Variants in SRD5A2 observed in about 807,000 individuals in gnomAD.
SRD5A2 encodes 3-oxo-5-alpha-steroid 4-dehydrogenase 2.
In SRD5A2, 30 loss-of-function variants were observed where a neutral mutation model predicts 27.4. That is an observed-to-expected ratio of 1.10 (90% CI 0.82 to 1.49). The LOEUF (loss-of-function observed/expected upper bound fraction) is 1.49. Among genes scored for constraint, SRD5A2 ranks in the 40% most tolerant of loss-of-function variants. SRD5A2 has a pLI of 0.00. For synonymous variants in SRD5A2, 141 were observed against 133.6 expected (o/e 1.06, Z -0.38); for missense variants, 348 against 323.4 (o/e 1.08, Z -0.58).
chr2:31,561,957 G>A (rs1666633087), intron 1 of SRD5A2, among the ~76,000 whole-genome samples: 1 of 152,092 alleles, frequency 6.6e-6, no homozygotes, highest in Non-Finnish European at 1.5e-5. Flanking sequence ...CAGTTGCTCA[G>A]CCACTCATGC....
At chr2:31,536,700 G>A (rs1178266159) in intron 1 of SRD5A2, among the ~76,000 whole-genome samples, 1 of 151,814 alleles carries the variant, frequency 6.6e-6, no homozygotes. Context: ...TTCAAAGCTT[G>A]TTTCACTGTA....
At chr2:31,529,847 C>T (rs1665867801) in intron 3 of SRD5A2, among the ~76,000 whole-genome samples, 1 of 152,170 alleles carries the variant, frequency 6.6e-6, no homozygotes, top group Admixed American at 6.5e-5. Flanking sequence ...CACACACGTT[C>T]ACATTCACAG....
the SRD5A2 span, among the ~76,000 whole-genome samples, chr2:31,658,436 T>A: frequency 6.6e-6 from 1 of 151,572 alleles, no homozygotes; most frequent in Non-Finnish European, 1.5e-5. Flanking sequence ...ATTAATTCTT[T>A]GAAAGAATAA....
chr2:31,566,390 A>C (rs1441220610), intron 1 of SRD5A2, among the ~76,000 whole-genome samples: 1 of 152,188 alleles, frequency 6.6e-6, no homozygotes, highest in African/African-American at 2.4e-5. Context: ...AAACAAAATC[A>C]ATAGTGAAAC....
chr2:31,542,922 A>G (rs961377340), intron 1 of SRD5A2, among the ~76,000 whole-genome samples: 5 of 152,202 alleles, frequency 3.3e-5, no homozygotes, highest in Non-Finnish European at 5.9e-5. Context: ...TTGAAAAAAG[A>G]CATGAACATA....
chr2:31,608,198 T>C, the SRD5A2 span, among the ~76,000 whole-genome samples: 2 of 152,074 alleles, frequency 1.3e-5, no homozygotes, highest in Non-Finnish European at 1.5e-5. Flanking sequence ...TATGTTGGTG[T>C]ACCACATATA....
Position 31,526,238 on chromosome 2 carries a change from G to C in SRD5A2, c.723C>G (p.Asp241Glu). 3.8e-6 allele frequency: 6 copies of C among 1,589,226 alleles called. No homozygotes were observed. Among genetic ancestry groups the C allele is most frequent in the Non-Finnish European group, 5.1e-6 (6 of 1,166,196 alleles). The change falls in exon 5 of 5, where the codon GAC (aspartate) becomes GAG (glutamate). Residue 241 changes from aspartate to glutamate, a missense_variant. Transcript: ENST00000622030. ...HHRFYLKMFE[D>E]YPKSRKALIP... The stretch of plus-strand genomic sequence containing the variant: ...TAAGGGCTTTCCGAGATTTGGGGTA[G>C]TCCTCAAACATCTTGAGGTAGAACC...
At chr2:31,615,752 T>A in the SRD5A2 span, among the ~76,000 whole-genome samples, 100,649 of 151,962 alleles carry the variant, frequency 0.66, 33,537 homozygotes, top group Middle Eastern at 0.69. Context: ...ATGGGGAAAA[T>A]GTCTCCAAGG....
chr2:31,662,640 C>T, the SRD5A2 span, among the ~76,000 whole-genome samples: 1 of 152,098 alleles, frequency 6.6e-6, no homozygotes, highest in South Asian at 2.1e-4. Flanking sequence ...ATTTTGGTAT[C>T]ACCCTTAGTC....
At chr2:31,656,729 C>T in the SRD5A2 span, among the ~76,000 whole-genome samples, 2 of 152,178 alleles carry the variant, frequency 1.3e-5, no homozygotes, top group African/African-American at 4.8e-5. Flanking sequence ...ACTTCTCAGC[C>T]TCGAGAACTT....
chr2:31,603,057 T>C, the SRD5A2 span, among the ~76,000 whole-genome samples: 4 of 152,158 alleles, frequency 2.6e-5, no homozygotes, highest in South Asian at 8.3e-4. Context: ...AAAGCAAACA[T>C]TGACAAATGT....
the SRD5A2 span, among the ~76,000 whole-genome samples, chr2:31,641,572 A>G: frequency 6.6e-6 from 1 of 152,172 alleles, no homozygotes; most frequent in Admixed American, 6.5e-5. Context: ...CTTCAACAAT[A>G]TATTAACAAA....
the SRD5A2 span, among the ~76,000 whole-genome samples, chr2:31,635,399 G>A: frequency 1.3e-5 from 2 of 151,996 alleles, no homozygotes; most frequent in African/African-American, 4.8e-5. Flanking sequence ...TGGATTATTA[G>A]ATTTTTTTCC....
intron 2 of SRD5A2, among the ~76,000 whole-genome samples, chr2:31,532,993 A>T (rs1348109847): frequency 6.6e-6 from 1 of 152,188 alleles, no homozygotes; most frequent in Admixed American, 6.5e-5. Context: ...TGTGGGCCAC[A>T]TGCAGCCCAG....
chr2:31,546,521 GC>G (rs57596402), intron 1 of SRD5A2, among the ~76,000 whole-genome samples: 152,339 of 152,342 alleles, frequency 1, 76,168 homozygotes, highest in Middle Eastern at 1. Context: ...TTTATTCAAA[GC>G]CAAATTAATA....
chr2:31,618,737 C>T, the SRD5A2 span, among the ~76,000 whole-genome samples: 7 of 151,762 alleles, frequency 4.6e-5, no homozygotes, highest in South Asian at 2.1e-4. Flanking sequence ...TAGTTAGATT[C>T]GAAAAATAAG....
the SRD5A2 span, among the ~76,000 whole-genome samples, chr2:31,588,415 T>G: frequency 6.6e-6 from 1 of 152,176 alleles, no homozygotes; most frequent in African/African-American, 2.4e-5. Flanking sequence ...CCAATACATC[T>G]GGCAGCAGTC....
the SRD5A2 span, among the ~76,000 whole-genome samples, chr2:31,660,309 A>G: frequency 3.3e-5 from 5 of 152,222 alleles, no homozygotes; most frequent in South Asian, 1.0e-3. Context: ...GCTGGTGGGA[A>G]TGCACTCTAT....
chr2:31,563,844 C>T (rs1258199097), intron 1 of SRD5A2, among the ~76,000 whole-genome samples: 3 of 152,084 alleles, frequency 2.0e-5, no homozygotes, highest in Non-Finnish European at 2.9e-5. Flanking sequence ...CTCAAAAAGG[C>T]TTTACCTCAG....
Sources: gnomAD v4.1 joint callset for allele counts (sites outside exome capture counted in the v4.1 genomes callset) on GRCh38, gnomAD v4.1.1 for gene constraint, MANE v1.5 for transcripts, NCBI Gene and HGNC (gene_info 2026-07-23, HGNC 2026-07-21) for gene names.